SLC25A39: variants seen among roughly 807,000 people sequenced by gnomAD.
SLC25A39 encodes mitochondrial glutathione transporter SLC25A39.
A neutral mutation model predicts 46.6 loss-of-function variants in SLC25A39; 44 were observed. That is an observed-to-expected ratio of 0.94 (90% CI 0.74 to 1.21). SLC25A39 has a LOEUF of 1.21. Among genes scored for constraint, SLC25A39 ranks in the 50% most tolerant of loss-of-function variants. The probability of loss-of-function intolerance (pLI) is 0.00; values close to 1 mark genes in which losing one functional copy is unlikely to be tolerated. For synonymous variants in SLC25A39, 218 were observed against 190.6 expected (o/e 1.14, Z -1.19); for missense variants, 487 against 473.0 (o/e 1.03, Z -0.28).
chr17:44,323,676 C>T (rs2048134729), intron 1 of SLC25A39, 99 bp from the exon 2 acceptor site: 1 of 803,934 alleles, frequency 1.2e-6, no homozygotes, highest in Non-Finnish European at 2.0e-6. Context: ...TCTCGCTCTG[C>T]GCACTGTTGC....
intron 2 of SLC25A39, 33 bp downstream of exon 2, chr17:44,323,445 A>ACGCC: frequency 3.0e-6 from 1 of 333,796 alleles, no homozygotes; most frequent in Non-Finnish European, 4.3e-6. Context: ...CCCCATCCCC[A>ACGCC]CCCGCCCCCA....
intron 3 of SLC25A39, 55 bp downstream of exon 3, chr17:44,323,229 A>T: frequency 3.1e-6 from 5 of 1,600,054 alleles, no homozygotes; most frequent in Non-Finnish European, 4.3e-6. Context: ...AGCCTCTGGG[A>T]GATCTTTCTT....
Position 44,319,808 on chromosome 17 carries a change from G to A in SLC25A39, c.*193C>T. On this transcript the variant is annotated 3_prime_UTR_variant, in exon 12 of 12. Coordinates refer to ENST00000377095, the MANE Select transcript of SLC25A39 (RefSeq NM_001143780.3). ...GGGTAAGTGATGATCCCCACGACTGGAGCAGCAGGAAGAAGTTGTGTCTGA... is the reference window on the plus strand; with the variant it reads ...GGGTAAGTGATGATCCCCACGACTGAAGCAGCAGGAAGAAGTTGTGTCTGA... 1.7e-6 allele frequency: 1 copy of A among 584,824 alleles called. No homozygotes were observed. The highest frequency in any genetic ancestry group is 3.1e-6 in the Non-Finnish European group (1 of 327,690). The allele number at this position is 584,824 out of a possible 1,614,324, so 36.2% of individuals were successfully genotyped here. A position where few individuals can be genotyped will look rare whatever the true frequency, so the allele number is the denominator to read the frequency against.
Position 44,322,511 on chromosome 17 carries a change from A to G in SLC25A39, c.232T>C (p.Cys78Arg). 6.2e-7 allele frequency: 1 copy of G among 1,614,120 alleles called. No individual in the cohort carries two copies. The highest frequency in any genetic ancestry group is 8.5e-7 in the Non-Finnish European group (1 of 1,180,004). ...TACAGAGGCTCCAGGACACCATTGCAATACAGGAGGCACTTCCCTGTGGAT... is the reference window on the plus strand; with the variant it reads ...TACAGAGGCTCCAGGACACCATTGCGATACAGGAGGCACTTCCCTGTGGAT... ...LQSTGKCLLY[C>R]NGVLEPLYLC... Residue 78 changes from cysteine (C) to arginine (R), a missense_variant, in exon 5 of 12, where the codon TGC becomes CGC. Physicochemically the swap from Cys to Arg is radical, Grantham distance 180. Transcript: ENST00000377095.
In SLC25A39 at chr17:44,319,721, A is replaced by T; in HGVS notation, c.*280T>A. On this transcript the variant is annotated 3_prime_UTR_variant, in exon 12 of 12. Coordinates refer to ENST00000377095, the MANE Select transcript of SLC25A39 (RefSeq NM_001143780.3). ...TTGGTTCCTGGAGACATGCCCAGCTACAGCAAACACAGGGAAACACGAAGG... is the reference window on the plus strand; with the variant it reads ...TTGGTTCCTGGAGACATGCCCAGCTTCAGCAAACACAGGGAAACACGAAGG... 2 of 444,794 alleles carry T rather than the reference A, an allele frequency of 4.5e-6. No individual in the cohort carries two copies. The highest frequency in any genetic ancestry group is 8.4e-6 in the Non-Finnish European group (2 of 239,490). 27.6% of individuals were successfully genotyped at this position (444,794 alleles called of 1,614,324 possible). A position where few individuals can be genotyped will look rare whatever the true frequency, so the allele number is the denominator to read the frequency against.
intron 8 of SLC25A39, 74 bp from the exon 9 acceptor site, chr17:44,320,805 C>A: frequency 8.5e-7 from 1 of 1,178,080 alleles, no homozygotes; most frequent in Non-Finnish European, 1.2e-6. Flanking sequence ...CCTTTCACTG[C>A]CACCACTCCC....
rs749417684 is a variant in SLC25A39 at position 44,321,243 on chromosome 17, T to C, written c.518-12A>G. ...AGTCACGGTGCCCACTGTGTGGGGA[T>C]TGGGGGTGACAATGGGGAGAAGTGA... On this transcript the variant is annotated splice_polypyrimidine_tract_variant and intron_variant, in intron 7 of 11. Coordinates refer to ENST00000377095, the MANE Select transcript of SLC25A39 (RefSeq NM_001143780.3). 45 of 1,598,540 alleles carry C rather than the reference T, an allele frequency of 2.8e-5. No individual in the cohort carries two copies. Among genetic ancestry groups the C allele is most frequent in the South Asian group, 1.4e-4 (12 of 88,786 alleles).
Position 44,320,678 on chromosome 17 carries a change from G to A in SLC25A39, c.745C>T (p.Pro249Ser), listed in dbSNP as rs567892816. The A allele has an allele frequency of 6.2e-7, 1 of 1,614,110 alleles. No individual in the cohort carries two copies. Among genetic ancestry groups the A allele is most frequent in the Non-Finnish European group, 8.5e-7 (1 of 1,180,032 alleles). The change falls in exon 9 of 12, where the codon CCG becomes TCG. Residue 249 changes from proline to serine, a missense_variant. Coordinates refer to ENST00000377095, the MANE Select transcript of SLC25A39 (RefSeq NM_001143780.3). Reference sequence around the variant, plus strand: ...ATGCCCACAGAAGTCTGGTCCTTCGGCCTGAACCCATTGAGCCAGCTCTTC... The same window carrying A: ...ATGCCCACAGAAGTCTGGTCCTTCGACCTGAACCCATTGAGCCAGCTCTTC... ...LVKSWLNGFRPKDQTSVGMSF... is the reference protein window; with the variant it reads ...LVKSWLNGFRSKDQTSVGMSF...
Position 44,319,954 on chromosome 17 carries a change from C to G in SLC25A39, c.*47G>C. On this transcript the variant is annotated 3_prime_UTR_variant, in exon 12 of 12. Transcript: ENST00000377095. ...GCACTTGGCTGGGTCTCCTCCTGCC[C>G]TCTCCCCATCCGTGGGAGAGACGGG... The G allele has an allele frequency of 6.3e-7, 1 of 1,586,882 alleles. No individual in the cohort carries two copies. Among genetic ancestry groups the G allele is most frequent in the East Asian group, 2.2e-5 (1 of 44,712 alleles).
At position 44,324,768 on chromosome 17, in the gene SLC25A39, G is replaced by C. The variant is rs1055652678; in HGVS notation, c.-73C>G. The C allele has an allele frequency of 1.3e-5, 2 of 152,098 alleles. No individual in the cohort carries two copies. The highest frequency in any genetic ancestry group is 4.8e-5 in the African/African-American group (2 of 41,418). 9.4% of individuals were successfully genotyped at this position (152,098 alleles called of 1,614,324 possible). ...GCCCAGGGTCAGGCGGGCCCATACC[G>C]GCTCCGCCGCCTGTGCGCGGTCCGC... is the stretch of plus-strand genomic sequence containing the variant. On this transcript the variant is annotated 5_prime_UTR_variant, in exon 1 of 12. Coordinates refer to ENST00000377095, the MANE Select transcript of SLC25A39 (RefSeq NM_001143780.3).
chr17:44,323,439 A>AAGCCCCCCCCCCCCCCC, intron 2 of SLC25A39, 39 bp downstream of exon 2: 22 of 256,968 alleles, frequency 8.6e-5, no homozygotes, highest in Non-Finnish European at 9.6e-5. Context: ...GGTCTGCCCC[A>AAGCCCCCCCCCCCCCCC]TCCCCACCCG....
At chr17:44,322,734 G>A (rs1366070787) in intron 4 of SLC25A39, 74 bp downstream of exon 4, 37 of 1,605,616 alleles carry the variant, frequency 2.3e-5, no homozygotes, top group Non-Finnish European at 3.1e-5. Flanking sequence ...GAGCCCACTG[G>A]TGCCCTGGGG....
Position 44,323,270 on chromosome 17 carries a change from G to T in SLC25A39, c.145+14C>A, listed in dbSNP as rs1293788341. The T allele has an allele frequency of 1.2e-6, 2 of 1,613,858 alleles. No individual in the cohort carries two copies. Among genetic ancestry groups the T allele is most frequent in the South Asian group, 2.2e-5 (2 of 91,054 alleles). On this transcript the variant is annotated intron_variant, in intron 3 of 11. Transcript: ENST00000377095. ...CAGGCACCACCCCTCACTAGTTCCA[G>T]GTCAGGTACTCACCGCTGGCCATGG...
Position 44,323,307 on chromosome 17 carries a change from G to A in SLC25A39, c.122C>T (p.Ser41Phe), listed in dbSNP as rs2048114088. The A allele has an allele frequency of 3.1e-6, 5 of 1,613,456 alleles. No homozygotes were observed. Among genetic ancestry groups the A allele is most frequent in the African/African-American group, 2.7e-5 (2 of 74,930 alleles). The change falls in exon 3 of 12, where the codon TCT (serine) becomes TTT (phenylalanine). Residue 41 changes from serine to phenylalanine, a missense_variant. By Grantham distance (155) the Ser-to-Phe change is radical. Coordinates refer to ENST00000377095, the MANE Select transcript of SLC25A39 (RefSeq NM_001143780.3). ...ACCGCTGGCCATGGAGGGCCGCTGA[G>A]ACTGCAGGCGAACCTTCACCACGTC... is the stretch of plus-strand genomic sequence containing the variant. ...PLDVVKVRLQ[S>F]QRPSMASELM...
intron 9 of SLC25A39, 78 bp from the exon 10 acceptor site, chr17:44,320,514 T>C: frequency 6.3e-7 from 1 of 1,595,244 alleles, no homozygotes; most frequent in Non-Finnish European, 8.6e-7. Context: ...CTCTTGCGGC[T>C]GGGAGGGACA....
chr17:44,323,439 A>AAGCCCCCCCCCCCCCCCCCC, intron 2 of SLC25A39, 39 bp downstream of exon 2: 2 of 257,104 alleles, frequency 7.8e-6, no homozygotes, highest in Non-Finnish European at 5.7e-6. Flanking sequence ...GGTCTGCCCC[A>AAGCCCCCCCCCCCCCCCCCC]TCCCCACCCG....
At chr17:44,320,495 C>G (rs2047992662) in intron 9 of SLC25A39, 59 bp from the exon 10 acceptor site, 16 of 1,602,612 alleles carry the variant, frequency 1.0e-5, no homozygotes, top group Non-Finnish European at 1.4e-5. Flanking sequence ...ACCCCTACCT[C>G]CCAGATGGCT....
rs201315296 is a variant in SLC25A39, at chr17:44,320,007, G to A, written c.1074C>T (p.Gly358=). Residue 358 remains glycine (G), a synonymous_variant, in exon 12 of 12, where the codon GGC becomes GGT. Transcript: ENST00000377095. ...FQRLNQDRLL[G]G is the part of the protein sequence containing the mutation. ...CCTTGCCTCCTTGCCCCTTTCAGCC[G>A]CCCAGAAGCCGGTCCTGGTTCAGCC... 11 of 1,613,756 alleles carry A rather than the reference G, an allele frequency of 6.8e-6. No homozygotes were observed. Among genetic ancestry groups the A allele is most frequent in the East Asian group, 2.2e-5 (1 of 44,864 alleles).
rs769660133 is a variant in SLC25A39 at position 44,320,337 on chromosome 17, G to C, written c.883+18C>G. 1 of 1,613,370 alleles carries C rather than the reference G, an allele frequency of 6.2e-7. No homozygotes were observed. The highest frequency in any genetic ancestry group is 1.3e-5 in the African/African-American group (1 of 74,932). On this transcript the variant is annotated intron_variant, in intron 10 of 11. Transcript: ENST00000377095. ...CAGGACCCCACCTGTCCCCTGCCAC[G>C]GCAATCTGGGCCCTCACCTCTCACA...
Sources: gnomAD v4.1 joint callset for allele counts on GRCh38, gnomAD v4.1.1 for gene constraint, MANE v1.5 for transcripts, NCBI Gene and HGNC (gene_info 2026-07-23, HGNC 2026-07-21) for gene names.